Variants in CTNNA3 observed in about 807,000 individuals in gnomAD.
CTNNA3 encodes the protein catenin alpha-3.
CTNNA3 carries 76 observed loss-of-function variants against 95.7 expected under a neutral mutation model. That is an observed-to-expected ratio of 0.79 (90% confidence interval 0.66 to 0.96). The LOEUF (loss-of-function observed/expected upper bound fraction) is 0.96. CTNNA3 is among the 40% of genes least tolerant of loss of function. The pLI, the probability that CTNNA3 is intolerant of heterozygous loss-of-function variation, is 0.00. For missense variants in CTNNA3, 1,191 were observed against 1,089.8 expected, an observed-to-expected ratio of 1.09 and a Z score of -1.31; for synonymous variants, 431 against 374.4, an observed-to-expected ratio of 1.15 and a Z score of -1.74.
intron 11 of CTNNA3, among the ~76,000 whole-genome samples, chr10:66,383,610 T>A (rs2092861334): frequency 6.6e-6 from 1 of 152,048 alleles, no homozygotes; most frequent in Non-Finnish European, 1.5e-5. Context: ...ACAAAGATAC[T>A]CCTTGACAAG....
chr10:67,343,948 ATACTT>A (rs1167047186), intron 5 of CTNNA3, among the ~76,000 whole-genome samples: 1 of 147,898 alleles, frequency 6.8e-6, no homozygotes, highest in Non-Finnish European at 1.5e-5. Flanking sequence ...TATATTAATT[ATACTT>A]TATTTTATTA....
At chr10:66,411,920 G>A (rs543335183) in intron 11 of CTNNA3, among the ~76,000 whole-genome samples, 37 of 152,236 alleles carry the variant, frequency 2.4e-4, no homozygotes, top group Admixed American at 2.0e-3. Flanking sequence ...GACATTCCGA[G>A]GAGCTCTGAA....
intron 7 of CTNNA3, among the ~76,000 whole-genome samples, chr10:66,962,395 T>C (rs1336497304): frequency 2.7e-5 from 4 of 148,410 alleles, no homozygotes; most frequent in African/African-American, 5.0e-5. Context: ...TTTTTTTTTG[T>C]TTTGTTTTTT....
At chr10:67,169,442 G>T (rs1268282125) in intron 7 of CTNNA3, among the ~76,000 whole-genome samples, 1 of 152,040 alleles carries the variant, frequency 6.6e-6, no homozygotes, top group Non-Finnish European at 1.5e-5. Flanking sequence ...ACGTAGACCA[G>T]TGGAACAGAA....
At chr10:66,178,399 G>GTATATATATATA (rs71035113) in intron 13 of CTNNA3, among the ~76,000 whole-genome samples, 10 of 91,178 alleles carry the variant, frequency 1.1e-4, no homozygotes, top group South Asian at 4.0e-4. Flanking sequence ...CCTTGAAAGT[G>GTATATATATATA]TATATATATA....
At chr10:67,418,946 TATC>T (rs1274493740) in intron 5 of CTNNA3, among the ~76,000 whole-genome samples, 12 of 152,110 alleles carry the variant, frequency 7.9e-5, no homozygotes, top group African/African-American at 2.4e-4. Flanking sequence ...TATTTTAAAA[TATC>T]ATTCACATGA....
intron 11 of CTNNA3, among the ~76,000 whole-genome samples, chr10:66,486,592 T>C (rs2131919438): frequency 6.6e-6 from 1 of 152,172 alleles, no homozygotes; most frequent in East Asian, 1.9e-4. Context: ...ACACTGTTCG[T>C]GGGAACGTAA....
At chr10:66,465,637 A>G (rs1476119314) in intron 11 of CTNNA3, among the ~76,000 whole-genome samples, 2 of 152,000 alleles carry the variant, frequency 1.3e-5, no homozygotes, top group African/African-American at 2.4e-5. Flanking sequence ...TGAGAATCAG[A>G]CTCAGGAAGC....
chr10:66,229,898 CTTCATTCTTT>C (rs976871667), intron 13 of CTNNA3, among the ~76,000 whole-genome samples: 2 of 151,882 alleles, frequency 1.3e-5, no homozygotes, highest in Non-Finnish European at 2.9e-5. Context: ...TATAGAGTTT[CTTCATTCTTT>C]TTCATTCTGT....
chr10:66,741,135 T>C (rs1849313100), intron 9 of CTNNA3, among the ~76,000 whole-genome samples: 2 of 152,194 alleles, frequency 1.3e-5, no homozygotes, highest in Admixed American at 6.5e-5. Flanking sequence ...ATTTTTTAAA[T>C]GATATCTTAG....
At chr10:66,558,846 T>C (rs138938242) in intron 10 of CTNNA3, among the ~76,000 whole-genome samples, 4 of 152,250 alleles carry the variant, frequency 2.6e-5, no homozygotes, top group Admixed American at 2.6e-4. Flanking sequence ...CAGTTTTAAT[T>C]AGTATCTATT....
At chr10:66,821,768 CT>C (rs887524519) in intron 7 of CTNNA3, among the ~76,000 whole-genome samples, 2 of 152,084 alleles carry the variant, frequency 1.3e-5, no homozygotes, top group African/African-American at 2.4e-5. Flanking sequence ...CTAGTATGCG[CT>C]TTTATCATCG....
intron 5 of CTNNA3, among the ~76,000 whole-genome samples, chr10:67,222,885 A>T (rs1311636364): frequency 6.6e-6 from 1 of 152,236 alleles, no homozygotes; most frequent in African/African-American, 2.4e-5. Context: ...TCAAGAAGCT[A>T]AAGTTAAAAT....
At chr10:67,625,816 T>G (rs910674299) in intron 2 of CTNNA3, among the ~76,000 whole-genome samples, 3 of 152,206 alleles carry the variant, frequency 2.0e-5, no homozygotes, top group Non-Finnish European at 2.9e-5. Context: ...AACTCAGGTT[T>G]GATTTCTAGT....
intron 13 of CTNNA3, among the ~76,000 whole-genome samples, chr10:66,219,533 G>A (rs1724684702): frequency 1.3e-5 from 2 of 152,258 alleles, no homozygotes; most frequent in South Asian, 2.1e-4. Context: ...AAGACATGAT[G>A]TAAGTAGCCC....
intron 7 of CTNNA3, among the ~76,000 whole-genome samples, chr10:67,005,657 A>T (rs1037736116): frequency 4.2e-4 from 43 of 101,374 alleles, no homozygotes; most frequent in African/African-American, 1.3e-3. Context: ...AAGCAAAAGT[A>T]ATGCTTTTGT....
intron 13 of CTNNA3, among the ~76,000 whole-genome samples, chr10:66,141,378 T>A (rs1402751577): frequency 6.6e-6 from 1 of 152,016 alleles, no homozygotes; most frequent in African/African-American, 2.4e-5. Flanking sequence ...ATGTTTGAGG[T>A]TAAAATTTAC....
At chr10:67,343,340 T>G (rs1403033082) in intron 5 of CTNNA3, among the ~76,000 whole-genome samples, 1 of 152,236 alleles carries the variant, frequency 6.6e-6, no homozygotes, top group African/African-American at 2.4e-5. Flanking sequence ...TAGATTACTT[T>G]AGGTTGTATG....
At chr10:67,702,667 G>T (rs1564836510) in intron 1 of CTNNA3, among the ~76,000 whole-genome samples, 1 of 152,162 alleles carries the variant, frequency 6.6e-6, no homozygotes, top group Non-Finnish European at 1.5e-5. Context: ...GCCCACAAGA[G>T]AAAGCAGGAA....
Sources: gnomAD v4.1 joint callset for allele counts (sites outside exome capture counted in the v4.1 genomes callset) on GRCh38, gnomAD v4.1.1 for gene constraint, MANE v1.5 for transcripts, NCBI Gene and HGNC (gene_info 2026-07-23, HGNC 2026-07-21) for gene names.